The following LRRC4C variants were observed in gnomAD, a reference collection of about 807,000 sequenced individuals.
LRRC4C encodes leucine rich repeat containing 4C, also known as leucine-rich repeat-containing protein 4C.
In LRRC4C, 5 loss-of-function variants were observed where a neutral mutation model predicts 33.6. The ratio of observed to expected loss-of-function variants is 0.15; its 90% confidence interval spans 0.08 to 0.31. The LOEUF (loss-of-function observed/expected upper bound fraction) is 0.31, where lower values mean the gene tolerates loss of function less well. Ranked by LOEUF, LRRC4C falls within the 10% of genes least tolerant of loss-of-function variation. The pLI, the probability that LRRC4C is intolerant of heterozygous loss-of-function variation, is 1.00. For missense variants in LRRC4C, 560 were observed against 796.7 expected (o/e 0.70, Z 3.58); for synonymous variants, 329 against 302.0 (o/e 1.09, Z -0.93).
intron 3 of LRRC4C, among the ~76,000 whole-genome samples, chr11:40,547,872 A>T (rs1591069384): frequency 1.3e-5 from 2 of 152,130 alleles, no homozygotes; most frequent in East Asian, 3.9e-4. Flanking sequence ...ATAAGATAAC[A>T]TTCAGCAAAC....
chr11:41,250,747 C>T (rs544590779), intron 1 of LRRC4C, among the ~76,000 whole-genome samples: 1 of 152,294 alleles, frequency 6.6e-6, no homozygotes, highest in South Asian at 2.1e-4. Flanking sequence ...ATTAATGGCT[C>T]TGCTAAATTG....
intron 2 of LRRC4C, among the ~76,000 whole-genome samples, chr11:40,750,962 T>A (rs4550210): frequency 1.3e-5 from 2 of 151,478 alleles, no homozygotes; most frequent in African/African-American, 2.4e-5. Flanking sequence ...AATGGTTTAA[T>A]GTATGCAAAT....
At chr11:41,350,516 A>C (rs1277581612) in intron 1 of LRRC4C, among the ~76,000 whole-genome samples, 1 of 151,654 alleles carries the variant, frequency 6.6e-6, no homozygotes, top group African/African-American at 2.4e-5. Context: ...TCTCAAAAAA[A>C]AAAAAAAAAA....
At chr11:40,152,143 A>G (rs1247920124) in intron 5 of LRRC4C, among the ~76,000 whole-genome samples, 1 of 152,162 alleles carries the variant, frequency 6.6e-6, no homozygotes, top group African/African-American at 2.4e-5. Context: ...CCATCTGTGG[A>G]AGTAGGAAGG....
At chr11:41,288,716 G>A (rs949960503) in intron 1 of LRRC4C, among the ~76,000 whole-genome samples, 2 of 152,206 alleles carry the variant, frequency 1.3e-5, no homozygotes, top group East Asian at 1.9e-4. Flanking sequence ...CTCTTCTTAA[G>A]GTTTTACAAG....
intron 1 of LRRC4C, among the ~76,000 whole-genome samples, chr11:41,292,269 C>T (rs1470449814): frequency 6.6e-6 from 1 of 152,064 alleles, no homozygotes; most frequent in Non-Finnish European, 1.5e-5. Flanking sequence ...TATGGTTCTA[C>T]CAGTCCTCTT....
intron 4 of LRRC4C, among the ~76,000 whole-genome samples, chr11:40,268,012 C>G (rs991065597): frequency 1.3e-5 from 2 of 152,132 alleles, no homozygotes; most frequent in African/African-American, 4.8e-5. Context: ...AACAGCAAGT[C>G]AATGGGTGGA....
chr11:40,345,473 T>A (rs1229526162), intron 3 of LRRC4C, among the ~76,000 whole-genome samples: 1 of 152,138 alleles, frequency 6.6e-6, no homozygotes, highest in Non-Finnish European at 1.5e-5. Context: ...TAATAAATGG[T>A]GCTGGGAGAA....
intron 3 of LRRC4C, among the ~76,000 whole-genome samples, chr11:40,461,897 A>AC (rs1952414984): frequency 6.6e-6 from 1 of 151,702 alleles, no homozygotes; most frequent in African/African-American, 2.4e-5. Context: ...AAGCATAGTT[A>AC]TAAATTATAA....
intron 1 of LRRC4C, among the ~76,000 whole-genome samples, chr11:41,256,755 T>G (rs959470216): frequency 6.6e-6 from 1 of 152,004 alleles, no homozygotes; most frequent in Non-Finnish European, 1.5e-5. Flanking sequence ...CCTGAAAATC[T>G]ACAACAATTT....
At chr11:40,269,264 G>A (rs1942508867) in intron 4 of LRRC4C, among the ~76,000 whole-genome samples, 1 of 151,992 alleles carries the variant, frequency 6.6e-6, no homozygotes, top group Non-Finnish European at 1.5e-5. Flanking sequence ...CCACTACAAA[G>A]AACATATTGA....
At chr11:40,762,043 C>T (rs944649927) in intron 2 of LRRC4C, among the ~76,000 whole-genome samples, 8 of 152,092 alleles carry the variant, frequency 5.3e-5, no homozygotes, top group African/African-American at 1.9e-4. Context: ...ACTGTCATTG[C>T]CAGACTTCTC....
intron 3 of LRRC4C, among the ~76,000 whole-genome samples, chr11:40,499,549 C>A (rs563093590): frequency 3.2e-4 from 49 of 152,038 alleles, no homozygotes; most frequent in Non-Finnish European, 5.7e-4. Flanking sequence ...CACATAATTC[C>A]CACATTGTTG....
intron 3 of LRRC4C, among the ~76,000 whole-genome samples, chr11:40,417,582 C>T (rs1950374360): frequency 6.6e-6 from 1 of 152,028 alleles, no homozygotes; most frequent in Admixed American, 6.6e-5. Context: ...CTCTGCCTGA[C>T]TTCAAGTGAT....
intron 3 of LRRC4C, among the ~76,000 whole-genome samples, chr11:40,479,866 C>T (rs944916185): frequency 2.6e-5 from 4 of 152,134 alleles, no homozygotes; most frequent in Admixed American, 2.6e-4. Flanking sequence ...GACCAGATGT[C>T]TTCCTAATTG....
At chr11:40,499,224 T>A (rs377681640) in intron 3 of LRRC4C, among the ~76,000 whole-genome samples, 1 of 152,154 alleles carries the variant, frequency 6.6e-6, no homozygotes, top group East Asian at 1.9e-4. Context: ...GTGAACAGCA[T>A]GTCTCGGCTG....
intron 1 of LRRC4C, among the ~76,000 whole-genome samples, chr11:41,126,028 T>TA (rs149777026): frequency 0.012 from 1,771 of 151,634 alleles, 28 homozygotes; most frequent in African/African-American, 0.041. Flanking sequence ...GTAGAGAAAC[T>TA]AAAAAAAATA....
chr11:41,272,469 T>A (rs1193917449), intron 1 of LRRC4C, among the ~76,000 whole-genome samples: 1 of 152,120 alleles, frequency 6.6e-6, no homozygotes, highest in Admixed American at 6.6e-5. Flanking sequence ...GGGACTCAGG[T>A]GCCTCAGTCA....
At chr11:41,182,888 A>G (rs1945516684) in intron 1 of LRRC4C, among the ~76,000 whole-genome samples, 1 of 151,816 alleles carries the variant, frequency 6.6e-6, no homozygotes, top group African/African-American at 2.4e-5. Context: ...AGAGTTCCAC[A>G]AGGCTGGGGA....
Sources: allele counts gnomAD v4.1 joint callset (sites outside exome capture counted in the v4.1 genomes callset), GRCh38; gene constraint gnomAD v4.1.1; transcripts MANE v1.5; gene names NCBI Gene and HGNC (gene_info 2026-07-23, HGNC 2026-07-21).